The following VIT variants were observed in gnomAD, a reference collection of about 807,000 sequenced individuals.
VIT encodes vitrin.
Under a neutral mutation model 78.0 loss-of-function variants are expected in VIT, and 99 were observed. The ratio of observed to expected loss-of-function variants is 1.27; its 90% CI spans 1.08 to 1.50. The LOEUF is 1.50. VIT is among the 40% of genes most tolerant of loss of function. The probability of loss-of-function intolerance (pLI) is 0.00; values close to 1 mark genes in which losing one functional copy is unlikely to be tolerated. For missense variants in VIT, 1,126 were observed against 875.3 expected (o/e 1.29, Z -3.61); for synonymous variants, 374 against 334.3 (o/e 1.12, Z -1.29).
At chr2:36,718,260 TGTTC>T (rs369721105) in intron 2 of VIT, among the ~76,000 whole-genome samples, 54 of 152,280 alleles carry the variant, frequency 3.5e-4, no homozygotes, top group African/African-American at 1.2e-3. Context: ...GCTTAAGGTC[TGTTC>T]AGAGGGTGTG....
At chr2:36,719,017 A>C (rs1302833789) in intron 2 of VIT, among the ~76,000 whole-genome samples, 2 of 152,208 alleles carry the variant, frequency 1.3e-5, no homozygotes, top group Non-Finnish European at 2.9e-5. Flanking sequence ...CAAATAAAAC[A>C]AACAAACAAA....
chr2:36,728,247 T>C (rs1236684856), intron 2 of VIT, among the ~76,000 whole-genome samples: 5 of 152,150 alleles, frequency 3.3e-5, no homozygotes, highest in African/African-American at 1.2e-4. Context: ...TTCTATCCTA[T>C]ATTTTTATCA....
At chr2:36,719,316 A>G (rs1340752905) in intron 2 of VIT, among the ~76,000 whole-genome samples, 1 of 152,222 alleles carries the variant, frequency 6.6e-6, no homozygotes, top group African/African-American at 2.4e-5. Context: ...TCTGTTCAGC[A>G]TAGTACTGGA....
At chr2:36,766,379 TA>T in intron 6 of VIT, among the ~76,000 whole-genome samples, 1 of 151,938 alleles carries the variant, frequency 6.6e-6, no homozygotes, top group Middle Eastern at 3.4e-3. Flanking sequence ...AAAAAAATTT[TA>T]AATTAGGCAG....
intron 9 of VIT, among the ~76,000 whole-genome samples, chr2:36,779,915 A>C (rs1664622913): frequency 6.6e-6 from 1 of 150,792 alleles, no homozygotes; most frequent in Non-Finnish European, 1.5e-5. Context: ...CCTACACTGC[A>C]AAAAACTGGA....
chr2:36,719,057 C>A (rs1248111332), intron 2 of VIT, among the ~76,000 whole-genome samples: 1 of 152,174 alleles, frequency 6.6e-6, no homozygotes, highest in Non-Finnish European at 1.5e-5. Flanking sequence ...TGCATGTTCC[C>A]AGCATCACAG....
intron 2 of VIT, among the ~76,000 whole-genome samples, chr2:36,719,663 G>A (rs1253415271): frequency 1.3e-5 from 2 of 152,182 alleles, no homozygotes; most frequent in African/African-American, 4.8e-5. Flanking sequence ...ATGAGGCCAG[G>A]CACAGTGGCT....
At chr2:36,728,417 AT>A (rs2148481171) in intron 2 of VIT, among the ~76,000 whole-genome samples, 1 of 152,332 alleles carries the variant, frequency 6.6e-6, no homozygotes, top group South Asian at 2.1e-4. Context: ...TAAAATGTGT[AT>A]GTTTTAAGCT....
chr2:36,713,598 A>G (rs1181736796), intron 1 of VIT, among the ~76,000 whole-genome samples: 5 of 152,204 alleles, frequency 3.3e-5, no homozygotes, highest in Non-Finnish European at 5.9e-5. Flanking sequence ...CCTAGTTATG[A>G]GGCTAATTGC....
At chr2:36,806,843 G>A (rs921535118) in intron 14 of VIT, among the ~76,000 whole-genome samples, 31 of 152,140 alleles carry the variant, frequency 2.0e-4, no homozygotes, top group African/African-American at 5.3e-4. Context: ...GATTACAGGC[G>A]TGGGCCACTG....
At chr2:36,773,601 C>G (rs190703559) in intron 7 of VIT, among the ~76,000 whole-genome samples, 190 bp from the exon 8 acceptor site, 3 of 152,078 alleles carry the variant, frequency 2.0e-5, no homozygotes, top group Non-Finnish European at 2.9e-5. Context: ...CCTAGTGGTA[C>G]GCACCTGTAA....
At position 36,783,421 on chromosome 2, in the gene VIT, A is replaced by G. The variant is rs1302554540; in HGVS notation, c.910+19A>G. 1.9e-6 allele frequency: 3 copies of G among 1,613,688 alleles called. No individual in the cohort carries two copies. Among genetic ancestry groups the G allele is most frequent in the South Asian group, 2.2e-5 (2 of 91,058 alleles). On this transcript the variant is annotated intron_variant, in intron 11 of 15. Transcript: ENST00000379242. ...GATCCAAGTAAGTTAATTGACAACTAGAAACCCACGGTGTCTTTGACATCT... is the reference window on the plus strand; with the variant it reads ...GATCCAAGTAAGTTAATTGACAACTGGAAACCCACGGTGTCTTTGACATCT...
At position 36,696,731 on chromosome 2, in the gene VIT, CAT is replaced by C. The variant is rs1491554020; in HGVS notation, c.-260_-259del. On this transcript the variant is annotated 5_prime_UTR_variant, in exon 1 of 16. The change abolishes an upstream ATG in the 5' untranslated region. Coordinates refer to ENST00000379242, the MANE Select transcript of VIT (RefSeq NM_053276.4). Reference sequence around the variant, plus strand: ...CAGTGTGAGAAGCAGTATGTGTGAGCATGTGTGTGTGTGTATGTGTGTGGGGG... The same window carrying C: ...CAGTGTGAGAAGCAGTATGTGTGAGCGTGTGTGTGTGTATGTGTGTGGGGG... 8 of 150,144 alleles carry C rather than the reference CAT, an allele frequency of 5.3e-5. No individual in the cohort carries two copies. The highest frequency in any genetic ancestry group is 2.0e-4 in the African/African-American group (8 of 40,670). 9.3% of individuals were successfully genotyped at this position (150,144 alleles called of 1,614,324 possible). A position where few individuals can be genotyped will look rare whatever the true frequency, so the allele number is the denominator to read the frequency against.
intron 15 of VIT, among the ~76,000 whole-genome samples, chr2:36,810,153 A>G (rs1414262965): frequency 1.3e-5 from 2 of 151,920 alleles, no homozygotes; most frequent in East Asian, 3.9e-4. Flanking sequence ...TGGCCAGGCA[A>G]GGAGGCACAC....
intron 9 of VIT, among the ~76,000 whole-genome samples, chr2:36,779,580 A>C (rs1572526024): frequency 6.6e-6 from 1 of 152,082 alleles, no homozygotes; most frequent in Non-Finnish European, 1.5e-5. Flanking sequence ...TAGGTATTAA[A>C]CCCAGCATCC....
intron 15 of VIT, 72 bp downstream of exon 15, chr2:36,809,057 A>T: frequency 6.6e-7 from 1 of 1,508,440 alleles, no homozygotes; most frequent in Admixed American, 2.3e-5. Flanking sequence ...TGGGACAAGG[A>T]AGGTATTGTC....
chr2:36,763,643 G>A (rs945294324), intron 6 of VIT, among the ~76,000 whole-genome samples: 1 of 129,218 alleles, frequency 7.7e-6, no homozygotes, highest in Non-Finnish European at 1.6e-5. Flanking sequence ...AGACTGGAGT[G>A]CAATGGCTCG....
chr2:36,709,450 T>C (rs997528657), intron 1 of VIT, among the ~76,000 whole-genome samples: 2 of 152,196 alleles, frequency 1.3e-5, no homozygotes, highest in African/African-American at 4.8e-5. Context: ...CAGCAAATGT[T>C]AGTTATGATG....
At chr2:36,771,691 C>G (rs1296280897) in intron 7 of VIT, among the ~76,000 whole-genome samples, 1 of 152,108 alleles carries the variant, frequency 6.6e-6, no homozygotes, top group Non-Finnish European at 1.5e-5. Context: ...CCAGAATTCA[C>G]ACTTCCAGGA....
Sources: gnomAD v4.1 joint callset for allele counts (sites outside exome capture counted in the v4.1 genomes callset) on GRCh38, gnomAD v4.1.1 for gene constraint, MANE v1.5 for transcripts, NCBI Gene and HGNC (gene_info 2026-07-23, HGNC 2026-07-21) for gene names.